The following INPP4B variants were observed in gnomAD, a reference collection of about 807,000 sequenced individuals.
INPP4B encodes inositol polyphosphate-4-phosphatase type II B.
Under a neutral mutation model 122.5 loss-of-function variants are expected in INPP4B, and 55 were observed. The observed-to-expected ratio is 0.45, with a 90% CI of 0.36 to 0.56. The LOEUF (loss-of-function observed/expected upper bound fraction) is 0.56. Among genes scored for constraint, INPP4B ranks in the 20% least tolerant of loss-of-function variants. The pLI is 0.00. For missense variants in INPP4B, 1,000 were observed against 1,097.7 expected (o/e 0.91, Z 1.26); for synonymous variants, 403 against 388.7 (o/e 1.04, Z -0.43).
chr4:142,844,340 T>C (rs1007625076), intron 1 of INPP4B, among the ~76,000 whole-genome samples: 3 of 152,250 alleles, frequency 2.0e-5, no homozygotes, highest in Admixed American at 2.0e-4. Flanking sequence ...ATAAGAGCAG[T>C]ATTTCAATCT....
chr4:142,377,121 C>A (rs1303364135), intron 7 of INPP4B, among the ~76,000 whole-genome samples: 1 of 10,210 alleles, frequency 9.8e-5, no homozygotes, highest in East Asian at 0.036. Context: ...AAGAGTCTAA[C>A]TGGTTATTTT....
At chr4:142,285,090 C>T (rs1752915469) in intron 9 of INPP4B, among the ~76,000 whole-genome samples, 1 of 151,836 alleles carries the variant, frequency 6.6e-6, no homozygotes, top group Non-Finnish European at 1.5e-5. Context: ...CAAAGAGCAA[C>T]TGGAGGGAGT....
intron 23 of INPP4B, among the ~76,000 whole-genome samples, chr4:142,094,548 C>T (rs1239064796): frequency 1.3e-5 from 2 of 152,162 alleles, no homozygotes; most frequent in East Asian, 1.9e-4. Flanking sequence ...CCTCCCTGCC[C>T]GTGCAAGAGC....
intron 14 of INPP4B, among the ~76,000 whole-genome samples, chr4:142,208,102 TTTTA>T (rs1287204793): frequency 1.3e-5 from 2 of 152,154 alleles, no homozygotes; most frequent in Non-Finnish European, 1.5e-5. Flanking sequence ...AAATTTTGTT[TTTTA>T]TTTATTTTTT....
chr4:142,779,085 T>C (rs912913870), intron 1 of INPP4B, among the ~76,000 whole-genome samples: 1 of 152,062 alleles, frequency 6.6e-6, no homozygotes, highest in Non-Finnish European at 1.5e-5. Flanking sequence ...AGTGTTAACA[T>C]GCCTCTGATT....
intron 7 of INPP4B, among the ~76,000 whole-genome samples, chr4:142,321,965 A>G (rs1770248274): frequency 6.6e-6 from 1 of 152,216 alleles, no homozygotes; most frequent in Non-Finnish European, 1.5e-5. Context: ...ATCTTCATTT[A>G]CTATTTTAAG....
At chr4:142,125,934 T>G (rs1511246) in intron 18 of INPP4B, among the ~76,000 whole-genome samples, 1 of 152,156 alleles carries the variant, frequency 6.6e-6, no homozygotes, top group Non-Finnish European at 1.5e-5. Flanking sequence ...ATAGACAAGT[T>G]TAAGTAAGTC....
At chr4:142,036,253 G>T (rs1351732466) in intron 25 of INPP4B, among the ~76,000 whole-genome samples, 1 of 148,464 alleles carries the variant, frequency 6.7e-6, no homozygotes, top group Non-Finnish European at 1.5e-5. Flanking sequence ...AAGGTTATCT[G>T]CAGAAAATCT....
intron 2 of INPP4B, among the ~76,000 whole-genome samples, chr4:142,655,587 C>T (rs528150213): frequency 5.0e-4 from 76 of 152,198 alleles, no homozygotes; most frequent in South Asian, 6.2e-4. Context: ...CTATAATTAA[C>T]GAGCATGAGT....
intron 3 of INPP4B, among the ~76,000 whole-genome samples, chr4:142,438,750 C>G: frequency 6.6e-6 from 1 of 152,064 alleles, no homozygotes. Context: ...AAACTATAAT[C>G]AGAGAGAATA....
Position 142,534,606 on chromosome 4 carries a change from T to C in INPP4B, c.-190-71880A>G, listed in dbSNP as rs1000704266. Among the ~76,000 whole-genome samples the C allele has an allele frequency of 1.1e-4, 17 of 151,938 alleles. No individual in the cohort carries two copies. In the East Asian group the frequency reaches 3.3e-3, roughly 29 times the overall value. On this transcript the variant is annotated intron_variant, in intron 2 of 25. Transcript: ENST00000262992. Reference sequence around the variant, plus strand: ...CTCTTACAACAGCATAAATGGACTATGACAAATGCCTATATATTTATAAGT... The same window carrying C: ...CTCTTACAACAGCATAAATGGACTACGACAAATGCCTATATATTTATAAGT...
intron 2 of INPP4B, among the ~76,000 whole-genome samples, chr4:142,550,605 C>CACACAT (rs372706613): frequency 3.4e-4 from 3 of 8,916 alleles, no homozygotes. Flanking sequence ...CACACACACA[C>CACACAT]ATATATATAT....
intron 2 of INPP4B, among the ~76,000 whole-genome samples, chr4:142,513,070 G>A (rs1025850216): frequency 2.0e-5 from 3 of 152,094 alleles, no homozygotes; most frequent in Admixed American, 2.0e-4. Flanking sequence ...AAAATGGTAT[G>A]TGGCTGAAAT....
At chr4:142,595,338 A>G (rs963524016) in intron 2 of INPP4B, among the ~76,000 whole-genome samples, 1 of 152,008 alleles carries the variant, frequency 6.6e-6, no homozygotes, top group African/African-American at 2.4e-5. Context: ...AAGATTCTAC[A>G]GCTACCAATT....
chr4:142,795,436 C>T (rs932533177), intron 1 of INPP4B: 2 of 151,816 alleles, frequency 1.3e-5, no homozygotes, highest in African/African-American at 4.8e-5. Context: ...CTTTGTATAC[C>T]TTATGCATAT....
chr4:142,145,917 C>A lies in INPP4B; in HGVS notation c.1643G>T (p.Gly548Val), dbSNP rs2152843255. Residue 548 changes from glycine to valine, a missense_variant, in exon 18 of 26, where the codon GGC (glycine) becomes GTC (valine). By Grantham distance (109) the Gly-to-Val change is moderately radical (BLOSUM62 -3). Coordinates refer to ENST00000262992, the MANE Select transcript of INPP4B (RefSeq NM_001101669.3). ...ATTGTTGCCGCCACTGCCTTCACTGCCACCATCTCTTTCAATCAGTTTGTC... is the reference window on the plus strand; with the variant it reads ...ATTGTTGCCGCCACTGCCTTCACTGACACCATCTCTTTCAATCAGTTTGTC... Reference protein sequence around the residue: ...MVDKLIERDGGSEGSGGNNDG... With the variant: ...MVDKLIERDGVSEGSGGNNDG... The A allele has an allele frequency of 6.2e-7, 1 of 1,613,866 alleles. No individual in the cohort carries two copies.
At chr4:142,794,104 T>C (rs1776910087) in intron 1 of INPP4B, among the ~76,000 whole-genome samples, 2 of 152,028 alleles carry the variant, frequency 1.3e-5, no homozygotes, top group Admixed American at 1.3e-4. Context: ...CCTATGTATG[T>C]ATGTATCTAT....
intron 23 of INPP4B, among the ~76,000 whole-genome samples, chr4:142,098,203 TG>T (rs1306413769): frequency 6.6e-6 from 1 of 151,836 alleles, no homozygotes; most frequent in Non-Finnish European, 1.5e-5. Flanking sequence ...AAGAGGTCCA[TG>T]GGGGGCAGAA....
At position 142,443,409 on chromosome 4, in the gene INPP4B, A is replaced by G. The variant is rs185791382; in HGVS notation, c.-126-12024T>C. 4.6e-5 allele frequency among the ~76,000 whole-genome samples: 7 copies of G among 152,288 alleles called. No individual in the cohort carries two copies. The East Asian group carries it at 1.4e-3, about 29-fold the overall frequency. On this transcript the variant is annotated intron_variant, in intron 3 of 25. Transcript: ENST00000262992. ...GGATCCTCTTTCCTACAGAACAAAAATGACAGACCCTGCTGACCTTAGGTG... is the reference window on the plus strand; with the variant it reads ...GGATCCTCTTTCCTACAGAACAAAAGTGACAGACCCTGCTGACCTTAGGTG...
Sources: gnomAD v4.1 joint callset for allele counts (sites outside exome capture counted in the v4.1 genomes callset) on GRCh38, gnomAD v4.1.1 for gene constraint, MANE v1.5 for transcripts, NCBI Gene and HGNC (gene_info 2026-07-23, HGNC 2026-07-21) for gene names.